SEC24A: variants seen among roughly 807,000 people sequenced by gnomAD.
SEC24A encodes SEC24 homolog A, COPII component, also known as protein transport protein Sec24A.
A neutral mutation model predicts 129.4 loss-of-function variants in SEC24A; 93 were observed. That is an observed-to-expected ratio of 0.72 (90% confidence interval 0.61 to 0.85). The LOEUF (loss-of-function observed/expected upper bound fraction) is 0.85. SEC24A is among the 40% of genes least tolerant of loss of function. The pLI is 0.00. For missense variants in SEC24A, 1,264 were observed against 1,307.4 expected (o/e 0.97, Z 0.51); for synonymous variants, 460 against 467.3 (o/e 0.98, Z 0.20).
At chr5:134,659,176 A>G (rs920591560) in intron 1 of SEC24A, among the ~76,000 whole-genome samples, 18 of 151,294 alleles carry the variant, frequency 1.2e-4, no homozygotes, top group Admixed American at 1.1e-3. Context: ...GGTTCACGCC[A>G]TTCTCCTGCC....
chr5:134,715,229 A>C (rs1752442725), intron 19 of SEC24A, 68 bp downstream of exon 19: 1 of 1,291,584 alleles, frequency 7.7e-7, no homozygotes, highest in Admixed American at 2.4e-5. Context: ...CCAGTACAGA[A>C]ATGAGGAAGG....
intron 13 of SEC24A, 92 bp downstream of exon 13, chr5:134,694,025 A>G (rs993796075): frequency 6.5e-6 from 7 of 1,068,826 alleles, no homozygotes; most frequent in South Asian, 3.0e-5. Flanking sequence ...TTATTTGTCA[A>G]TTGTTGGGAG....
chr5:134,665,457 GAA>G (rs1156650780), intron 2 of SEC24A, among the ~76,000 whole-genome samples: 7 of 124,824 alleles, frequency 5.6e-5, no homozygotes, highest in South Asian at 2.6e-4. Flanking sequence ...CTTCGTCTCA[GAA>G]AAAAAAAAAA....
At chr5:134,652,743 C>G (rs1476695683) in intron 1 of SEC24A, among the ~76,000 whole-genome samples, 1 of 152,044 alleles carries the variant, frequency 6.6e-6, no homozygotes, top group Non-Finnish European at 1.5e-5. Context: ...ACCTGTAGCA[C>G]ATGCCACCAT....
Position 134,675,091 on chromosome 5 carries a change from G to A in SEC24A, c.1025G>A (p.Ser342Asn). 6.2e-7 allele frequency: 1 copy of A among 1,612,720 alleles called. No individual in the cohort carries two copies. Among genetic ancestry groups the A allele is most frequent in the African/African-American group, 1.3e-5 (1 of 75,024 alleles). Residue 342 changes from serine (S) to asparagine (N), a missense_variant, in exon 6 of 23, where the codon AGT becomes AAT. Physicochemically the swap from Ser to Asn is conservative, Grantham distance 46. Transcript: ENST00000398844. ...NHLTTSMSGLSLQPEGLRVVN... is the reference protein window; with the variant it reads ...NHLTTSMSGLNLQPEGLRVVN... ...TTAACCACAAGCATGAGTGGATTAA[G>A]TCTACAACCAGAGGGTCTAAGAGTT...
intron 15 of SEC24A, among the ~76,000 whole-genome samples, chr5:134,698,844 G>A (rs1333034435): frequency 1.3e-5 from 2 of 151,966 alleles, no homozygotes; most frequent in African/African-American, 4.8e-5. Context: ...TGTTGGCCAG[G>A]CTGGTCTCAA....
At chr5:134,712,183 G>GT (rs1227708803) in intron 18 of SEC24A, among the ~76,000 whole-genome samples, 2 of 151,960 alleles carry the variant, frequency 1.3e-5, no homozygotes, top group Middle Eastern at 3.2e-3. Flanking sequence ...GTTATGTGTA[G>GT]TTTTTTCCAG....
intron 16 of SEC24A, among the ~76,000 whole-genome samples, chr5:134,704,851 A>AT (rs977638430): frequency 4.0e-5 from 6 of 149,938 alleles, no homozygotes; most frequent in African/African-American, 1.5e-4. Context: ...GTACTTATTT[A>AT]TTTTTAATAG....
chr5:134,660,453 G>A (rs959663593), intron 1 of SEC24A, among the ~76,000 whole-genome samples: 1 of 152,054 alleles, frequency 6.6e-6, no homozygotes, highest in Non-Finnish European at 1.5e-5. Context: ...ACATTGGGCT[G>A]TGAGATGGCC....
chr5:134,704,865 T>C (rs1580729995), intron 16 of SEC24A, among the ~76,000 whole-genome samples: 1 of 150,806 alleles, frequency 6.6e-6, no homozygotes, highest in South Asian at 2.1e-4. Flanking sequence ...TTAATAGAGA[T>C]AGGGTCTTAC....
chr5:134,706,047 C>T (rs1017794328), intron 17 of SEC24A, among the ~76,000 whole-genome samples: 16 of 152,114 alleles, frequency 1.1e-4, no homozygotes, highest in African/African-American at 3.6e-4. Context: ...GCCACCATGC[C>T]CAGCTAATTT....
chr5:134,710,835 T>G (rs184688518), intron 18 of SEC24A, among the ~76,000 whole-genome samples: 4 of 152,282 alleles, frequency 2.6e-5, no homozygotes, highest in Admixed American at 2.6e-4. Flanking sequence ...TTATAAAATT[T>G]TATTTAAAAG....
chr5:134,698,406 C>T (rs749923242), intron 15 of SEC24A, among the ~76,000 whole-genome samples: 4 of 152,008 alleles, frequency 2.6e-5, no homozygotes, highest in East Asian at 3.9e-4. Context: ...GAATTAGAGA[C>T]GAGCCTGGAC....
chr5:134,692,002 A>C (rs1329660893), intron 11 of SEC24A, among the ~76,000 whole-genome samples: 2 of 149,760 alleles, frequency 1.3e-5, no homozygotes, highest in Non-Finnish European at 3.0e-5. Flanking sequence ...CCTAAGAAGC[A>C]TAGCACTTAC....
rs3832382 is a variant in SEC24A, at chr5:134,648,947, G to GC, written c.-122dup. 245 of 620,102 alleles carry GC rather than the reference G, an allele frequency of 4.0e-4. No homozygotes were observed. Among genetic ancestry groups the GC allele is most frequent in the Admixed American group, 4.2e-4 (13 of 31,082 alleles). 38.4% of individuals were successfully genotyped at this position (620,102 alleles called of 1,614,324 possible). ...CGGCGCCATGCCTCGGGCTTAATGC[G>GC]CCCCCCCCTCTTCTCCCAGTCTTCA... On this transcript the variant is annotated 5_prime_UTR_variant, in exon 1 of 23. It removes the in-frame stop codon of an upstream open reading frame in the 5' UTR. Coordinates refer to ENST00000398844, the MANE Select transcript of SEC24A (RefSeq NM_021982.3).
intron 15 of SEC24A, among the ~76,000 whole-genome samples, chr5:134,700,207 C>A (rs1355440165): frequency 6.6e-6 from 1 of 151,394 alleles, no homozygotes; most frequent in Non-Finnish European, 1.5e-5. Flanking sequence ...TGGTAATTTT[C>A]TTTCTTCTTC....
At chr5:134,677,345 T>C (rs561678006) in intron 7 of SEC24A, among the ~76,000 whole-genome samples, 1 of 152,168 alleles carries the variant, frequency 6.6e-6, no homozygotes, top group East Asian at 1.9e-4. Flanking sequence ...AAAAAGAAAC[T>C]GATCTACCTT....
At chr5:134,702,259 C>T (rs1031545939) in intron 15 of SEC24A, among the ~76,000 whole-genome samples, 1 of 152,066 alleles carries the variant, frequency 6.6e-6, no homozygotes, top group Non-Finnish European at 1.5e-5. Context: ...AAGCAATCTT[C>T]CTGCTTCAGC....
chr5:134,690,977 A>G (rs1751627121), intron 11 of SEC24A, among the ~76,000 whole-genome samples: 1 of 151,388 alleles, frequency 6.6e-6, no homozygotes, highest in African/African-American at 2.4e-5. Context: ...CAGCCTTCCG[A>G]GTAGCTGGGA....
Sources: allele counts gnomAD v4.1 joint callset (sites outside exome capture counted in the v4.1 genomes callset), GRCh38; gene constraint gnomAD v4.1.1; transcripts MANE v1.5; gene names NCBI Gene and HGNC (gene_info 2026-07-23, HGNC 2026-07-21).